The following MPC2 variants were observed in gnomAD, a reference collection of about 807,000 sequenced individuals.
The protein encoded by MPC2 is brain protein 44.
A neutral mutation model predicts 19.2 loss-of-function variants in MPC2; 19 were observed. The ratio of observed to expected loss-of-function variants is 0.99; its 90% CI spans 0.69 to 1.45. The LOEUF (loss-of-function observed/expected upper bound fraction) is 1.45, where lower values mean the gene tolerates loss of function less well. Among genes scored for constraint, MPC2 ranks in the 40% most tolerant of loss-of-function variants. The pLI is 0.00. For synonymous variants in MPC2, 61 were observed against 54.3 expected, an observed-to-expected ratio of 1.12 and a Z score of -0.54; for missense variants, 122 against 153.0, an observed-to-expected ratio of 0.80 and a Z score of 1.07.
chr1:167,925,190 T>C (rs1451730291), intron 2 of MPC2, among the ~76,000 whole-genome samples: 1 of 152,000 alleles, frequency 6.6e-6, no homozygotes, highest in East Asian at 1.9e-4. Flanking sequence ...TCAATGTCAT[T>C]TTAAAATCTA....
At chr1:167,918,953 A>G (rs1270546585) in intron 5 of MPC2, among the ~76,000 whole-genome samples, 1 of 152,170 alleles carries the variant, frequency 6.6e-6, no homozygotes, top group Non-Finnish European at 1.5e-5. Flanking sequence ...TATTATTTTA[A>G]TAAAAATATT....
intron 3 of MPC2, among the ~76,000 whole-genome samples, chr1:167,921,855 G>C (rs566661870): frequency 6.6e-6 from 1 of 152,120 alleles, no homozygotes; most frequent in African/African-American, 2.4e-5. Flanking sequence ...GATTGTCAAT[G>C]AATATATATT....
intron 3 of MPC2, among the ~76,000 whole-genome samples, chr1:167,921,382 T>A (rs1406395158): frequency 1.3e-5 from 2 of 152,040 alleles, no homozygotes; most frequent in East Asian, 3.9e-4. Context: ...CCAATATGCC[T>A]GGCTAATTTT....
At chr1:167,934,846 A>G (rs1219494516) in intron 2 of MPC2, among the ~76,000 whole-genome samples, 1 of 152,202 alleles carries the variant, frequency 6.6e-6, no homozygotes, top group Admixed American at 6.5e-5. Flanking sequence ...CCCCTAGCAA[A>G]TAAGTATTAT....
In MPC2 at chr1:167,925,670, C is replaced by T. The variant is rs1670739792; in HGVS notation, c.110-1133G>A. 2.0e-5 allele frequency among the ~76,000 whole-genome samples: 3 copies of T among 151,236 alleles called. No homozygotes were observed. In the South Asian group the frequency reaches 6.3e-4, roughly 32 times the overall value. ...CAAGTGATTCTCTTGCCTTAGCCTC[C>T]CAAGTAGCTGGGATTACAGGCGCCT... On this transcript the variant is annotated intron_variant, in intron 2 of 5. Transcript: ENST00000271373.
chr1:167,922,607 A>C (rs1165156104), intron 3 of MPC2, among the ~76,000 whole-genome samples: 5 of 152,048 alleles, frequency 3.3e-5, no homozygotes, highest in Non-Finnish European at 5.9e-5. Flanking sequence ...GAAAAAAAAA[A>C]CCTGCTCCCT....
intron 2 of MPC2, among the ~76,000 whole-genome samples, chr1:167,925,144 C>G (rs369095228): frequency 6.6e-6 from 1 of 151,952 alleles, no homozygotes; most frequent in African/African-American, 2.4e-5. Flanking sequence ...TTGTCCCTCT[C>G]GAATTCACAG....
chr1:167,920,052 T>G lies in MPC2; in HGVS notation c.274A>C (p.Lys92Gln). The change falls in exon 5 of 6, where the codon AAA becomes CAA. Residue 92 changes from lysine to glutamine, a missense_variant. By Grantham distance (53) the Lys-to-Gln change is moderately conservative. Coordinates refer to ENST00000271373, the MANE Select transcript of MPC2 (RefSeq NM_001143674.4). ...TTAACAGCAAACAGACTCCAATTTT[T>G]TGGAATAATTACAAGTGAGTATCTT... ...WSRYSLVIIP[K>Q]NWSLFAVNFF... The G allele has an allele frequency of 6.2e-7, 1 of 1,613,564 alleles. No individual in the cohort carries two copies. The highest frequency in any genetic ancestry group is 8.5e-7 in the Non-Finnish European group (1 of 1,179,754).
chr1:167,929,343 G>C (rs150248534), intron 2 of MPC2, among the ~76,000 whole-genome samples: 36 of 151,678 alleles, frequency 2.4e-4, no homozygotes, highest in Non-Finnish European at 4.6e-4. Flanking sequence ...TGGGCAATAA[G>C]AGCGAAACTC....
chr1:167,925,168 A>T (rs1435855112), intron 2 of MPC2, among the ~76,000 whole-genome samples: 1 of 152,000 alleles, frequency 6.6e-6, no homozygotes, highest in Admixed American at 6.6e-5. Context: ...TCTTACAGCA[A>T]AATTCATTAA....
chr1:167,929,921 A>T (rs1206389231), intron 2 of MPC2, among the ~76,000 whole-genome samples: 1 of 152,146 alleles, frequency 6.6e-6, no homozygotes, highest in African/African-American at 2.4e-5. Context: ...ATGGTTTGTT[A>T]CTTTTTAACA....
chr1:167,926,889 G>A (rs116391058), intron 2 of MPC2, among the ~76,000 whole-genome samples: 1,789 of 152,130 alleles, frequency 0.012, 28 homozygotes, highest in African/African-American at 0.04. Context: ...TCTCCTCAAG[G>A]AAGCCTTAAA....
chr1:167,929,124 G>GGAGGTGGGCGGATCACCA (rs1670833784), intron 2 of MPC2, among the ~76,000 whole-genome samples: 2 of 151,264 alleles, frequency 1.3e-5, no homozygotes, highest in Admixed American at 1.3e-4. Flanking sequence ...TTTGGGAGGC[G>GGAGGTGGGCGGATCACCA]GAGGTGGGCG....
In MPC2 at chr1:167,936,921, G is replaced by C. The variant is rs146520790; in HGVS notation, c.-58+18C>G. The C allele has an allele frequency of 1.8e-4, 285 of 1,605,256 alleles. No individual in the cohort carries two copies. The highest frequency in any genetic ancestry group is 1.8e-3 in the Middle Eastern group (9 of 5,138). On this transcript the variant is annotated intron_variant, in intron 1 of 5. Transcript: ENST00000271373. ...CGGCTCAGGCAGAGCCATGTCTCGG[G>C]GTGGCTCCTACCCACACCTGTTGTG...
chr1:167,919,856 T>A (rs17556487), intron 5 of MPC2, 123 bp downstream of exon 5: 126,954 of 577,974 alleles, frequency 0.22, 15,509 homozygotes, highest in Admixed American at 0.39. Flanking sequence ...ATGAATCTTT[T>A]AAAAAAATTA....
At chr1:167,933,088 T>C (rs1196438188) in intron 2 of MPC2, among the ~76,000 whole-genome samples, 1 of 151,530 alleles carries the variant, frequency 6.6e-6, no homozygotes, top group Admixed American at 6.6e-5. Context: ...AAATGGATAA[T>C]GAGAGCCTCA....
chr1:167,936,090 A>G, intron 1 of MPC2, 192 bp from the exon 2 acceptor site: 1 of 564,600 alleles, frequency 1.8e-6, no homozygotes, highest in Non-Finnish European at 3.2e-6. Flanking sequence ...CCGGCAGGAG[A>G]GAGGGAGGAG....
At chr1:167,926,550 G>A (rs544931098) in intron 2 of MPC2, among the ~76,000 whole-genome samples, 11 of 152,344 alleles carry the variant, frequency 7.2e-5, no homozygotes, top group Admixed American at 3.3e-4. Flanking sequence ...CAAGTCAGCG[G>A]TTCTCAACCA....
At chr1:167,933,169 GTTTT>G (rs112730724) in intron 2 of MPC2, among the ~76,000 whole-genome samples, 1 of 139,258 alleles carries the variant, frequency 7.2e-6, no homozygotes, top group Non-Finnish European at 1.6e-5. Flanking sequence ...AAACACATTA[GTTTT>G]TTTTTTTTTT....
Sources: allele counts gnomAD v4.1 joint callset (sites outside exome capture counted in the v4.1 genomes callset), GRCh38; gene constraint gnomAD v4.1.1; transcripts MANE v1.5; gene names NCBI Gene and HGNC (gene_info 2026-07-23, HGNC 2026-07-21).